SBNO2: variants seen among roughly 807,000 people sequenced by gnomAD.
SBNO2 encodes strawberry notch homolog 2.
In SBNO2, 89 loss-of-function variants were observed where a neutral mutation model predicts 146.3. The ratio of observed to expected loss-of-function variants is 0.61; its 90% CI spans 0.51 to 0.73. SBNO2 has a LOEUF of 0.73. SBNO2 is among the 30% of genes least tolerant of loss of function. The pLI is 0.00. For missense variants in SBNO2, 2,092 were observed against 2,003.7 expected (o/e 1.04, Z -0.84); for synonymous variants, 1,147 against 892.6 (o/e 1.29, Z -5.08).
intron 2 of SBNO2, among the ~76,000 whole-genome samples, chr19:1,153,290 T>C (rs1298301141): frequency 6.6e-6 from 1 of 151,652 alleles, no homozygotes; most frequent in East Asian, 1.9e-4. Context: ...CAGGCTGGAG[T>C]GCAGTGGTGC....
At position 1,109,947 on chromosome 19, in the gene SBNO2, C is replaced by T. The variant is rs2079735133; in HGVS notation, c.3029-170G>A. Among the ~76,000 whole-genome samples, 1 of 151,842 alleles carries T rather than the reference C, an allele frequency of 6.6e-6. No individual in the cohort carries two copies. The highest frequency in any genetic ancestry group is 1.5e-5 in the Non-Finnish European group (1 of 67,952). On this transcript the variant is annotated intron_variant, in intron 26 of 31. Transcript: ENST00000361757. The surrounding 1 kb of genome is among the most constrained non-coding windows in gnomAD (Gnocchi z 4.2). The stretch of plus-strand genomic sequence containing the variant: ...CCAGCGTGGGGATGGTGCACGTGGG[C>T]CCCAACCTGGCAACCGCTCAGGTCC...
In SBNO2 at chr19:1,139,656, G is replaced by A. The variant is rs565673891; in HGVS notation, c.279+7653C>T. Among the ~76,000 whole-genome samples the A allele has an allele frequency of 1.7e-3, 255 of 152,228 alleles. 1 individual carries two copies. The highest frequency in any genetic ancestry group is 2.9e-3 in the Non-Finnish European group (198 of 68,006). On this transcript the variant is annotated intron_variant, in intron 4 of 31. Transcript: ENST00000361757. ...CTAAAAATACAAAAATCAGCTGGGC[G>A]CGGTGGCGCACACCTGTAATCCCAG...
chr19:1,167,424 C>T (rs577347288), intron 1 of SBNO2, among the ~76,000 whole-genome samples: 10 of 152,312 alleles, frequency 6.6e-5, no homozygotes, highest in African/African-American at 2.4e-4. Flanking sequence ...CTGGGTTCTC[C>T]GGGAGAGTCC....
intron 24 of SBNO2, 44 bp downstream of exon 24, chr19:1,111,462 C>CA (rs771668642): frequency 7.8e-5 from 108 of 1,387,194 alleles, no homozygotes; most frequent in Non-Finnish European, 9.9e-5. Context: ...CAGTGCTCTG[C>CA]AACCCCTGCC....
rs545541005 is a variant in SBNO2, at chr19:1,170,450, C to T, written c.-127+3722G>A. Among the ~76,000 whole-genome samples, 224 of 152,258 alleles carry T rather than the reference C, an allele frequency of 1.5e-3. 1 individual carries two copies. The highest frequency in any genetic ancestry group is 2.7e-3 in the Non-Finnish European group (182 of 67,994). Reference sequence around the variant, plus strand: ...CTGAGAGTCCACCCACACTGCCGGGCGGACAGCGGGCAGGCCAGGACGAGA... The same window carrying T: ...CTGAGAGTCCACCCACACTGCCGGGTGGACAGCGGGCAGGCCAGGACGAGA... On this transcript the variant is annotated intron_variant, in intron 1 of 31. Transcript: ENST00000361757.
At chr19:1,132,008 G>T (rs2286400) in intron 4 of SBNO2, 96,391 of 1,107,498 alleles carry the variant, frequency 0.087, 7,639 homozygotes, top group African/African-American at 0.38. Flanking sequence ...CTCCGGCAGG[G>T]GGCCCGGCCG....
chr19:1,107,944 T>C lies in SBNO2; in HGVS notation c.*276A>G. 3.9e-6 allele frequency: 1 copy of C among 255,740 alleles called. No individual in the cohort carries two copies. The highest frequency in any genetic ancestry group is 7.5e-6 in the Non-Finnish European group (1 of 132,992). The allele number at this position is 255,740 out of a possible 1,614,324, so 15.8% of individuals were successfully genotyped here. On this transcript the variant is annotated 3_prime_UTR_variant, in exon 32 of 32. Transcript: ENST00000361757. Reference sequence around the variant, plus strand: ...CAAGGGTTTGGGCCCACTGAGCCCTTGTGGGTGCCCAGTCCCAGAGCAGCC... The same window carrying C: ...CAAGGGTTTGGGCCCACTGAGCCCTCGTGGGTGCCCAGTCCCAGAGCAGCC...
Position 1,108,620 on chromosome 19 carries a change from G to T in SBNO2, c.3701C>A (p.Pro1234His). ...MDADVKRRQA[P>H]ALGCPAPPAP... ...GGGCGGGGCGGGGCAGCCCAGGGCG[G>T]GCGCCTGCCTGCGCTTCACGTCCGC... The change falls in exon 32 of 32, where the codon CCC becomes CAC. Residue 1234 changes from proline to histidine, a missense_variant. By Grantham distance (77) the Pro-to-His change is moderately conservative (BLOSUM62 -2). Coordinates refer to ENST00000361757, the MANE Select transcript of SBNO2 (RefSeq NM_014963.3). 4 of 1,443,854 alleles carry T rather than the reference G, an allele frequency of 2.8e-6. No individual in the cohort carries two copies. The highest frequency in any genetic ancestry group is 3.6e-6 in the Non-Finnish European group (4 of 1,106,952). 89.4% of individuals were successfully genotyped at this position (1,443,854 alleles called of 1,614,324 possible).
chr19:1,118,890 A>G (rs151149576), intron 14 of SBNO2, 121 bp downstream of exon 14: 28,773 of 1,030,130 alleles, frequency 0.028, 501 homozygotes, highest in Non-Finnish European at 0.033. Context: ...CAAAAAAAAA[A>G]CCCCAGGACA....
chr19:1,127,358 A>C (rs1440420906), intron 5 of SBNO2, among the ~76,000 whole-genome samples: 1 of 152,126 alleles, frequency 6.6e-6, no homozygotes, highest in Non-Finnish European at 1.5e-5. Flanking sequence ...CCCCAACTCC[A>C]TGCCAGGAGC....
chr19:1,162,519 G>A (rs947685008), intron 1 of SBNO2, among the ~76,000 whole-genome samples: 7 of 151,592 alleles, frequency 4.6e-5, no homozygotes, highest in African/African-American at 9.7e-5. Context: ...CCTGCAAGGT[G>A]GAAATCTGGC....
intron 4 of SBNO2, chr19:1,132,271 T>C (rs2080039161): frequency 7.6e-7 from 1 of 1,315,366 alleles, no homozygotes; most frequent in Non-Finnish European, 9.7e-7. Flanking sequence ...TGCATTTGCA[T>C]GTCGGTTTAG....
chr19:1,153,194 AAAAT>A (rs2080258284), intron 2 of SBNO2, among the ~76,000 whole-genome samples: 1 of 151,578 alleles, frequency 6.6e-6, no homozygotes, highest in East Asian at 1.9e-4. Context: ...AAATAAAATA[AAAAT>A]AAATATATAT....
Position 1,112,449 on chromosome 19 carries a change from A to T in SBNO2, c.2468T>A (p.Met823Lys). 6.2e-7 allele frequency: 1 copy of T among 1,607,784 alleles called. No individual in the cohort carries two copies. Among genetic ancestry groups the T allele is most frequent in the Middle Eastern group, 1.7e-4 (1 of 5,772 alleles). The change falls in exon 21 of 32, where the codon ATG (methionine) becomes AAG (lysine). Residue 823 changes from methionine (M) to lysine (K), a missense_variant. Physicochemically the swap from Met to Lys is moderately conservative, Grantham distance 95. Coordinates refer to ENST00000361757, the MANE Select transcript of SBNO2 (RefSeq NM_014963.3). This position sits in a 1 kb window ranked among gnomAD's most constrained non-coding sequence, Gnocchi z 5.9. ...RVQNQRRRVH[M>K]TLELPWSADR... ...GGCGCTCCACGGCAGCTCCAAGGTC[A>T]TGTGCACGCGGCGCCGCTGGTTCTG...
At chr19:1,135,627 C>A (rs2060782670) in intron 4 of SBNO2, among the ~76,000 whole-genome samples, 1 of 152,224 alleles carries the variant, frequency 6.6e-6, no homozygotes, top group African/African-American at 2.4e-5. Context: ...CCGCCTCTGT[C>A]CAGGGTGCAC....
chr19:1,162,220 G>T, intron 1 of SBNO2, among the ~76,000 whole-genome samples: 1 of 139,286 alleles, frequency 7.2e-6, no homozygotes, highest in Admixed American at 7.5e-5. Context: ...AGCACTTTGG[G>T]AGGCCAAGGC....
rs2079791213 is a variant in SBNO2 at position 1,113,411 on chromosome 19, C to T, written c.2247+124G>A. On this transcript the variant is annotated intron_variant, in intron 19 of 31. Transcript: ENST00000361757. Reference sequence around the variant, plus strand: ...CCCAGGGCTCCCCAAACGCCCCCTCCTCGCAGGGCCGCGGAGACGCAGAGT... The same window carrying T: ...CCCAGGGCTCCCCAAACGCCCCCTCTTCGCAGGGCCGCGGAGACGCAGAGT... 7 of 932,186 alleles carry T rather than the reference C, an allele frequency of 7.5e-6. No individual in the cohort carries two copies. In the African/African-American group the frequency reaches 8.7e-5, roughly 12 times the overall value. The allele number at this position is 932,186 out of a possible 1,614,324, so 57.7% of individuals were successfully genotyped here. A position where few individuals can be genotyped will look rare whatever the true frequency, so the allele number is the denominator to read the frequency against.
chr19:1,171,307 C>A (rs182806788), intron 1 of SBNO2, among the ~76,000 whole-genome samples: 1 of 151,910 alleles, frequency 6.6e-6, no homozygotes, highest in Non-Finnish European at 1.5e-5. Context: ...AATGCACGTG[C>A]GTACGTACAA....
chr19:1,109,539 C>A lies in SBNO2; in HGVS notation c.3183G>T (p.Thr1061=). ...AGAGGTAGAAGCCGTCATAGGGGCC[C>A]GTCAGCGCCAGCGACTTGGCAAAGG... is the stretch of plus-strand genomic sequence containing the variant. The part of the protein sequence containing the change: ...EDAFAKSLAL[T]GPYDGFYLSY... The change falls in exon 28 of 32, where the codon ACG becomes ACT. Residue 1061 remains threonine, a synonymous_variant. Coordinates refer to ENST00000361757, the MANE Select transcript of SBNO2 (RefSeq NM_014963.3). The surrounding 1 kb of genome is among the most constrained non-coding windows in gnomAD (Gnocchi z 4.2). The A allele has an allele frequency of 2.5e-6, 4 of 1,601,278 alleles. No homozygotes were observed. Among genetic ancestry groups the A allele is most frequent in the East Asian group, 2.3e-5 (1 of 44,318 alleles).
Sources: allele counts gnomAD v4.1 joint callset (sites outside exome capture counted in the v4.1 genomes callset), GRCh38; gene constraint gnomAD v4.1.1; non-coding constraint Gnocchi (gnomAD v3.1); transcripts MANE v1.5; gene names NCBI Gene and HGNC (gene_info 2026-07-23, HGNC 2026-07-21).